FRMD5: variants seen among roughly 807,000 people sequenced by gnomAD.
FRMD5 encodes the protein FERM domain-containing protein 5.
FRMD5 carries 20 observed loss-of-function variants against 69.0 expected under a neutral mutation model. The observed-to-expected ratio is 0.29, with a 90% CI of 0.20 to 0.42. The LOEUF is 0.42. Ranked by LOEUF, FRMD5 falls within the 10% of genes least tolerant of loss-of-function variation. The pLI, the probability that FRMD5 is intolerant of heterozygous loss-of-function variation, is 1.00. For missense variants in FRMD5, 595 were observed against 708.6 expected (o/e 0.84, Z 1.82); for synonymous variants, 271 against 260.1 (o/e 1.04, Z -0.40).
intron 13 of FRMD5, among the ~76,000 whole-genome samples, chr15:43,878,165 G>C (rs934482138): frequency 2.0e-5 from 3 of 152,082 alleles, no homozygotes; most frequent in African/African-American, 7.2e-5. Flanking sequence ...ACCACGCCTA[G>C]CTAATTTTCG....
chr15:44,147,619 G>T (rs188811307), intron 1 of FRMD5, among the ~76,000 whole-genome samples: 44 of 152,208 alleles, frequency 2.9e-4, no homozygotes, highest in Admixed American at 2.7e-3. Context: ...TAGAAAACAG[G>T]TGTTAGACCA....
At chr15:44,049,882 T>C (rs1225508165) in intron 1 of FRMD5, among the ~76,000 whole-genome samples, 1 of 152,234 alleles carries the variant, frequency 6.6e-6, no homozygotes, top group African/African-American at 2.4e-5. Flanking sequence ...TTTTGGATAG[T>C]ATTTTATCAA....
rs2088221212 is a variant in FRMD5, at chr15:43,873,512, G to A, written c.*373C>T. 1 of 1,417,574 alleles carries A rather than the reference G, an allele frequency of 7.1e-7. No homozygotes were observed. Among genetic ancestry groups the A allele is most frequent in the East Asian group, 2.8e-5 (1 of 35,668 alleles). 87.8% of individuals were successfully genotyped at this position (1,417,574 alleles called of 1,614,324 possible). A position where few individuals can be genotyped will look rare whatever the true frequency, so the allele number is the denominator to read the frequency against. ...TCAACTAGTGTCCCCTCTGCTAGGT[G>A]ATACTACTGCAATAATCAGTAATAG... On this transcript the variant is annotated 3_prime_UTR_variant, in exon 14 of 14. Coordinates refer to ENST00000417257, the MANE Select transcript of FRMD5 (RefSeq NM_032892.5).
intron 4 of FRMD5, chr15:43,919,257 G>A (rs759431939): frequency 1.7e-5 from 12 of 720,844 alleles, no homozygotes; most frequent in African/African-American, 6.9e-5. Flanking sequence ...TTGAAGGAAA[G>A]AAGTCCACTC....
At chr15:43,954,230 T>C (rs900821471) in intron 1 of FRMD5, among the ~76,000 whole-genome samples, 1 of 152,226 alleles carries the variant, frequency 6.6e-6, no homozygotes, top group African/African-American at 2.4e-5. Flanking sequence ...CAGACTGTGA[T>C]TCAGGACGTT....
intron 1 of FRMD5, among the ~76,000 whole-genome samples, chr15:44,124,524 C>A (rs1314898632): frequency 6.6e-6 from 1 of 151,494 alleles, no homozygotes; most frequent in South Asian, 2.1e-4. Context: ...ACGGCGAAAC[C>A]CTGTCTCTAC....
chr15:44,111,873 C>CA (rs1356264266), intron 1 of FRMD5, among the ~76,000 whole-genome samples: 8 of 150,726 alleles, frequency 5.3e-5, no homozygotes, highest in African/African-American at 2.0e-4. Context: ...TTTTCTGAGA[C>CA]AGAGTCTCGT....
chr15:44,058,628 T>G (rs1402769758), intron 1 of FRMD5, among the ~76,000 whole-genome samples: 2 of 151,738 alleles, frequency 1.3e-5, no homozygotes, highest in Non-Finnish European at 2.9e-5. Flanking sequence ...CTACTAAAAA[T>G]ACAAAAAATT....
Position 44,100,888 on chromosome 15 carries a change from C to T in FRMD5, c.102+94065G>A, listed in dbSNP as rs1035820699. Among the ~76,000 whole-genome samples, 16 of 152,234 alleles carry T rather than the reference C, an allele frequency of 1.1e-4. No individual in the cohort carries two copies. The East Asian group carries it at 2.9e-3, about 28-fold the overall frequency. The stretch of plus-strand genomic sequence containing the variant: ...TCTTGGGGCCAGGCACAGTGGCTCA[C>T]GCCTGTAATCCCAGCACTTTGGGAG... On this transcript the variant is annotated intron_variant, in intron 1 of 13. Coordinates refer to ENST00000417257, the MANE Select transcript of FRMD5 (RefSeq NM_032892.5).
At chr15:44,145,822 A>C (rs2077347256) in intron 1 of FRMD5, among the ~76,000 whole-genome samples, 1 of 152,232 alleles carries the variant, frequency 6.6e-6, no homozygotes, top group South Asian at 2.1e-4. Context: ...TTATTCGGCC[A>C]CTAATAAAAT....
At chr15:44,014,388 G>C (rs966707877) in intron 1 of FRMD5, among the ~76,000 whole-genome samples, 1 of 152,166 alleles carries the variant, frequency 6.6e-6, no homozygotes, top group African/African-American at 2.4e-5. Flanking sequence ...TTAGCTATGA[G>C]ATGTCAGACT....
chr15:43,894,251 C>T (rs572272142), intron 7 of FRMD5, among the ~76,000 whole-genome samples: 1 of 152,250 alleles, frequency 6.6e-6, no homozygotes, highest in Non-Finnish European at 1.5e-5. Flanking sequence ...GTAAGAATGA[C>T]TGGGAGAGGT....
intron 1 of FRMD5, among the ~76,000 whole-genome samples, chr15:44,139,232 G>A (rs1450756343): frequency 6.6e-6 from 1 of 151,380 alleles, no homozygotes; most frequent in Non-Finnish European, 1.5e-5. Context: ...AATTATTTAT[G>A]AATGTTAAAA....
At position 44,019,527 on chromosome 15, in the gene FRMD5, G is replaced by A. The variant is rs201595382; in HGVS notation, c.103-95218C>T. Among the ~76,000 whole-genome samples, 20 of 151,400 alleles carry A rather than the reference G, an allele frequency of 1.3e-4. No homozygotes were observed. The East Asian group carries it at 3.1e-3, about 24-fold the overall frequency. On this transcript the variant is annotated intron_variant, in intron 1 of 13. Coordinates refer to ENST00000417257, the MANE Select transcript of FRMD5 (RefSeq NM_032892.5). ...GAGGCTGGTGGATCACCTCAGATCC[G>A]GAGTTCGAGACCAGCCTGGCCAACA...
chr15:43,899,803 G>A (rs942169960), intron 7 of FRMD5, among the ~76,000 whole-genome samples: 37 of 152,284 alleles, frequency 2.4e-4, no homozygotes, highest in African/African-American at 7.7e-4. Flanking sequence ...CACCCAAGAC[G>A]AGGCTGAGAC....
At chr15:44,014,075 A>G (rs1165074842) in intron 1 of FRMD5, among the ~76,000 whole-genome samples, 1 of 151,888 alleles carries the variant, frequency 6.6e-6, no homozygotes, top group African/African-American at 2.4e-5. Flanking sequence ...AGCCAGGCTG[A>G]TCTCGATCTC....
At chr15:44,079,166 T>C (rs909592132) in intron 1 of FRMD5, among the ~76,000 whole-genome samples, 2 of 152,016 alleles carry the variant, frequency 1.3e-5, no homozygotes, top group African/African-American at 4.8e-5. Context: ...CGAAAAGATA[T>C]TCAAAATCAC....
At chr15:43,900,206 CAG>C (rs1555469017) in intron 7 of FRMD5, among the ~76,000 whole-genome samples, 6 of 152,168 alleles carry the variant, frequency 3.9e-5, no homozygotes, top group Non-Finnish European at 7.3e-5. Flanking sequence ...CCCCAGTAAA[CAG>C]GGGATGGGAA....
At chr15:44,178,155 C>G (rs2077932943) in intron 1 of FRMD5, among the ~76,000 whole-genome samples, 1 of 151,900 alleles carries the variant, frequency 6.6e-6, no homozygotes, top group South Asian at 2.1e-4. Flanking sequence ...AACTCTATCT[C>G]TACTAAAAAC....
Sources: gnomAD v4.1 joint callset for allele counts (sites outside exome capture counted in the v4.1 genomes callset) on GRCh38, gnomAD v4.1.1 for gene constraint, MANE v1.5 for transcripts, NCBI Gene and HGNC (gene_info 2026-07-23, HGNC 2026-07-21) for gene names.